ADGRG1: variants seen among roughly 807,000 people sequenced by gnomAD.
ADGRG1 encodes the protein adhesion G protein-coupled receptor G1.
In ADGRG1, 53 loss-of-function variants were observed where a neutral mutation model predicts 73.5. The observed-to-expected ratio is 0.72, with a 90% CI of 0.58 to 0.91. ADGRG1 has a LOEUF of 0.91. Ranked by LOEUF, ADGRG1 falls within the 40% of genes least tolerant of loss-of-function variation. ADGRG1 has a pLI of 0.00. For missense variants in ADGRG1, 795 were observed against 871.8 expected (o/e 0.91, Z 1.11); for synonymous variants, 394 against 374.4 (o/e 1.05, Z -0.60).
In ADGRG1 at chr16:57,663,591, C is replaced by G. The variant is rs374394347; in HGVS notation, c.*9C>G. The G allele has an allele frequency of 6.2e-7, 1 of 1,611,866 alleles. No individual in the cohort carries two copies. The highest frequency in any genetic ancestry group is 8.5e-7 in the Non-Finnish European group (1 of 1,179,716). On this transcript the variant is annotated 3_prime_UTR_variant, in exon 14 of 14. Coordinates refer to ENST00000562631, the MANE Select transcript of ADGRG1 (RefSeq NM_201525.4). ...CGTCCAGCCGCATCTAGGCCTCCAG[C>G]CCACCTGCCCATGTGATGAAGCAGA...
Position 57,653,327 on chromosome 16 carries a change from CGCCA to C in ADGRG1, c.618_620+1del. ...CCTCAAGGAGGCCCTCGGCTGCCCC[CGCCA>C]GCCAGTAAGTTTGGCACCTGGGGCT... On this transcript the variant is annotated frameshift_variant, in exon 4 of 14. Transcript: ENST00000562631. LOFTEE classifies it high-confidence loss of function. The C allele has an allele frequency of 6.2e-7, 1 of 1,609,364 alleles. No homozygotes were observed. The highest frequency in any genetic ancestry group is 2.2e-5 in the East Asian group (1 of 44,858).
At chr16:57,653,439 G>A in intron 4 of ADGRG1, 104 bp downstream of exon 4, 1 of 1,554,800 alleles carries the variant, frequency 6.4e-7, no homozygotes, top group Non-Finnish European at 8.6e-7. Context: ...GGCCTTCCCT[G>A]GGACTGGAAT....
chr16:57,657,474 C>T lies in ADGRG1; in HGVS notation c.1269C>T (p.Ala423=), dbSNP rs768984787. 2.1e-5 allele frequency: 34 copies of T among 1,613,220 alleles called. No homozygotes were observed. Among genetic ancestry groups the T allele is most frequent in the South Asian group, 1.3e-4 (12 of 91,084 alleles). The change falls in exon 10 of 14, where the codon GCC becomes GCT. Residue 423 remains alanine (A), a synonymous_variant. Coordinates refer to ENST00000562631, the MANE Select transcript of ADGRG1 (RefSeq NM_201525.4). ...CCCTGGCCTGCCTTGTCACCATTGC[C>T]GCCTACCTCTGCTCCAGGTGAGGCC... The part of the protein sequence containing the change: ...VSALACLVTI[A]AYLCSRRKPR...
At position 57,655,497 on chromosome 16, in the gene ADGRG1, C is replaced by T. The variant is rs2045483504; in HGVS notation, c.867C>T (p.Leu289=). ...GRSGEAEKRL[L]LVDFSSQALF... is the part of the protein sequence containing the mutation. Reference sequence around the variant, plus strand: ...GCGGGGAGGCTGAGAAGAGACTCCTCCTGGTGGACTTCAGCAGCCAAGCCC... The same window carrying T: ...GCGGGGAGGCTGAGAAGAGACTCCTTCTGGTGGACTTCAGCAGCCAAGCCC... The change falls in exon 6 of 14, where the codon CTC becomes CTT. Residue 289 remains leucine, a synonymous_variant. Coordinates refer to ENST00000562631, the MANE Select transcript of ADGRG1 (RefSeq NM_201525.4). The T allele has an allele frequency of 5.6e-6, 9 of 1,613,758 alleles. No homozygotes were observed. Among genetic ancestry groups the T allele is most frequent in the East Asian group, 2.2e-5 (1 of 44,884 alleles).
intron 13 of ADGRG1, chr16:57,663,102 C>T (rs1253892993): frequency 2.0e-6 from 2 of 982,772 alleles, no homozygotes; most frequent in East Asian, 1.1e-4. Context: ...CAAAATCTCA[C>T]AGTGCTTAAG....
chr16:57,633,061 C>A, intron 1 of ADGRG1: 1 of 631,344 alleles, frequency 1.6e-6, no homozygotes, highest in Non-Finnish European at 2.0e-6. Flanking sequence ...GCTCAAGGCC[C>A]ATGGGGGAAA....
Position 57,656,002 on chromosome 16 carries a change from G to T in ADGRG1, c.1017+10G>T, listed in dbSNP as rs764498357. 1.2e-6 allele frequency: 2 copies of T among 1,613,960 alleles called. No homozygotes were observed. Among genetic ancestry groups the T allele is most frequent in the Non-Finnish European group, 1.7e-6 (2 of 1,180,026 alleles). On this transcript the variant is annotated intron_variant, in intron 7 of 13. Transcript: ENST00000562631. ...GCACCAGCTACAGCCGGTGAGTGGGGGCCAGCCATCAAGAGAACAAGCGCC... is the reference window on the plus strand; with the variant it reads ...GCACCAGCTACAGCCGGTGAGTGGGTGCCAGCCATCAAGAGAACAAGCGCC...
At chr16:57,644,557 AC>A (rs1476935053) in intron 1 of ADGRG1, among the ~76,000 whole-genome samples, 3 of 141,970 alleles carry the variant, frequency 2.1e-5, no homozygotes, top group African/African-American at 8.0e-5. Flanking sequence ...ACATGCACAC[AC>A]GGACACTTAT....
Position 57,632,576 on chromosome 16 carries a change from G to T in ADGRG1, c.-36+3774G>T, listed in dbSNP as rs995510437. ...GAAATAACTGTGAGCACTTCTCCCTGCCCCCGCTACTGCTGGGAGAGCTGC... is the reference window on the plus strand; with the variant it reads ...GAAATAACTGTGAGCACTTCTCCCTTCCCCCGCTACTGCTGGGAGAGCTGC... On this transcript the variant is annotated intron_variant, in intron 1 of 13. Coordinates refer to ENST00000562631, the MANE Select transcript of ADGRG1 (RefSeq NM_201525.4). Among the ~76,000 whole-genome samples, 4 of 152,152 alleles carry T rather than the reference G, an allele frequency of 2.6e-5. No individual in the cohort carries two copies. In the South Asian group the frequency reaches 8.3e-4, roughly 32 times the overall value.
chr16:57,654,167 G>C, intron 5 of ADGRG1, 34 bp downstream of exon 5: 4 of 1,599,736 alleles, frequency 2.5e-6, no homozygotes, highest in Non-Finnish European at 3.4e-6. Flanking sequence ...AGCAGATGCG[G>C]GTTGGGCCGG....
At chr16:57,645,092 G>A (rs1196787719) in intron 1 of ADGRG1, 6 of 985,224 alleles carry the variant, frequency 6.1e-6, no homozygotes, top group African/African-American at 5.2e-5. Flanking sequence ...TGTGTAACTC[G>A]CAGGAGTTCA....
chr16:57,653,220 G>C lies in ADGRG1; in HGVS notation c.505G>C (p.Ala169Pro). Reference protein sequence around the residue: ...FSFHSPPHTAAHNASVDMCEL... With the variant: ...FSFHSPPHTAPHNASVDMCEL... ...TCCCCCAGGTCCTCCCCACACGGCC[G>C]CTCACAATGCCTCGGTGGACATGTG... Residue 169 changes from alanine to proline, a missense_variant, in exon 4 of 14, where the codon GCT becomes CCT. By Grantham distance (27) the Ala-to-Pro change is conservative. Transcript: ENST00000562631. 6.2e-7 allele frequency: 1 copy of C among 1,610,446 alleles called. No individual in the cohort carries two copies. The highest frequency in any genetic ancestry group is 1.1e-5 in the South Asian group (1 of 91,078).
chr16:57,642,098 T>A, intron 1 of ADGRG1: 1 of 985,392 alleles, frequency 1.0e-6, no homozygotes, highest in Non-Finnish European at 1.2e-6. Flanking sequence ...CTCCTAAAAC[T>A]CTTGCATCTT....
chr16:57,627,090 C>G (rs1185371935), upstream of ADGRG1: 18 of 983,994 alleles, frequency 1.8e-5, no homozygotes, highest in Non-Finnish European at 1.8e-5. Flanking sequence ...TCTGGAAGCT[C>G]TCACCTTATG....
intron 1 of ADGRG1, chr16:57,639,975 G>A (rs531266090): frequency 1.8e-4 from 82 of 455,226 alleles, no homozygotes; most frequent in Non-Finnish European, 2.2e-4. Flanking sequence ...ATAGTTGGGG[G>A]TGAGAGCTCC....
At chr16:57,635,099 G>A in intron 1 of ADGRG1, 5 of 985,308 alleles carry the variant, frequency 5.1e-6, no homozygotes, top group Non-Finnish European at 6.0e-6. Flanking sequence ...CAGGAGGGCA[G>A]GACACCCACC....
intron 3 of ADGRG1, chr16:57,651,966 G>T: frequency 3.1e-6 from 4 of 1,271,522 alleles, no homozygotes; most frequent in Non-Finnish European, 4.0e-6. Flanking sequence ...ACTGGAAAGG[G>T]ACTGAAGATC....
chr16:57,639,782 C>A, intron 1 of ADGRG1: 1 of 796,952 alleles, frequency 1.3e-6, no homozygotes, highest in Non-Finnish European at 1.5e-6. Flanking sequence ...TCCCCTCCAG[C>A]TCGCCTCCTT....
chr16:57,632,356 G>A (rs8056698), intron 1 of ADGRG1: 259,568 of 974,996 alleles, frequency 0.27, 35,504 homozygotes, highest in East Asian at 0.4. Flanking sequence ...TGGGAACATG[G>A]GCCTGTGCCT....
Sources: gnomAD v4.1 joint callset for allele counts (sites outside exome capture counted in the v4.1 genomes callset) on GRCh38, gnomAD v4.1.1 for gene constraint, MANE v1.5 for transcripts, NCBI Gene and HGNC (gene_info 2026-07-23, HGNC 2026-07-21) for gene names.